ADGRL1: variants seen among roughly 807,000 people sequenced by gnomAD.
The protein encoded by ADGRL1 is adhesion G protein-coupled receptor L1.
In ADGRL1, 31 loss-of-function variants were observed where a neutral mutation model predicts 148.9. That is an observed-to-expected ratio of 0.21 (90% CI 0.16 to 0.28). ADGRL1 has a LOEUF of 0.28. ADGRL1 is among the 10% of genes least tolerant of loss of function. ADGRL1 has a pLI of 1.00. For synonymous variants in ADGRL1, 937 were observed against 900.3 expected, an observed-to-expected ratio of 1.04 and a Z score of -0.73; for missense variants, 1,521 against 2,058.8, an observed-to-expected ratio of 0.74 and a Z score of 5.05.
At chr19:14,167,924 G>C (rs575425877) in intron 4 of ADGRL1, among the ~76,000 whole-genome samples, 5 of 152,176 alleles carry the variant, frequency 3.3e-5, no homozygotes, top group African/African-American at 1.2e-4. Context: ...CCGCTGCCCT[G>C]CGGACGGGCG....
intron 4 of ADGRL1, chr19:14,169,265 C>T (rs1352019322): frequency 6.6e-6 from 1 of 152,242 alleles, no homozygotes; most frequent in African/African-American, 2.4e-5. Flanking sequence ...AAGCGCTTCT[C>T]ACATGTCATC....
chr19:14,159,332 GCCTCCA>G lies in ADGRL1; in HGVS notation c.2023+63_2023+68del. The stretch of plus-strand genomic sequence containing the variant: ...CCAAGGGTCGGATAGCCCCCCTGTG[GCCTCCA>G]GGCCAGAACCCCGTGGTTTAAGGTT... On this transcript the variant is annotated intron_variant, in intron 10 of 22. Transcript: ENST00000361434. The surrounding 1 kb of genome is among the most constrained non-coding windows in gnomAD (Gnocchi z 6.0). 1 of 1,570,314 alleles carries G rather than the reference GCCTCCA, an allele frequency of 6.4e-7. No homozygotes were observed. Among genetic ancestry groups the G allele is most frequent in the Non-Finnish European group, 8.7e-7 (1 of 1,154,566 alleles).
chr19:14,204,037 G>A (rs139840482), intron 1 of ADGRL1, among the ~76,000 whole-genome samples: 47 of 152,250 alleles, frequency 3.1e-4, no homozygotes, highest in Non-Finnish European at 4.9e-4. Context: ...ATGTGGCTCC[G>A]TGCACGGGTG....
intron 1 of ADGRL1, among the ~76,000 whole-genome samples, chr19:14,204,713 T>TGAGAGAGGGAGAGAGA (rs1555693818): frequency 7.0e-6 from 1 of 142,890 alleles, no homozygotes; most frequent in African/African-American, 2.6e-5. Flanking sequence ...ACAGAGAGAG[T>TGAGAGAGGGAGAGAGA]GAGAGAGAGA....
chr19:14,191,021 G>C (rs1373291737), intron 1 of ADGRL1: 3 of 427,880 alleles, frequency 7.0e-6, no homozygotes, highest in Non-Finnish European at 1.4e-5. Context: ...CTGGGAGGCA[G>C]AGGTTGCGGT....
Position 14,200,570 on chromosome 19 carries a change from G to A in ADGRL1, c.-96+5415C>T, listed in dbSNP as rs4328555. Among the ~76,000 whole-genome samples, 1,145 of 152,256 alleles carry A rather than the reference G, an allele frequency of 7.5e-3. 14 individuals carry two copies. Among genetic ancestry groups the A allele is most frequent in the African/African-American group, 0.025 (1,056 of 41,524 alleles). On this transcript the variant is annotated intron_variant, in intron 1 of 22. Coordinates refer to ENST00000361434, the MANE Select transcript of ADGRL1 (RefSeq NM_014921.5). ...CGCAAAGCTTGCAGGATTTACCATC[G>A]GGCTTTCTACAGAAAAGTCAGCCAA...
At position 14,150,888 on chromosome 19, in the gene ADGRL1, C is replaced by G; in HGVS notation, c.4395G>C (p.Leu1465=). The G allele has an allele frequency of 2.5e-6, 4 of 1,612,190 alleles. No individual in the cohort carries two copies. Among genetic ancestry groups the G allele is most frequent in the Non-Finnish European group, 3.4e-6 (4 of 1,179,722 alleles). Residue 1465 remains leucine (L), a synonymous_variant, in exon 23 of 23, where the codon CTG becomes CTC. Transcript: ENST00000361434. ...TGAGGTGCCCTCAGAGACTGGTGAC[C>G]AGCTGCATCTGCCCGTCCCCATCGG... ...PGPDGDGQMQ[L]VTSL is the part of the protein sequence containing the mutation.
At chr19:14,177,772 C>T in intron 2 of ADGRL1, 28 bp from the exon 3 acceptor site, 1 of 1,591,318 alleles carries the variant, frequency 6.3e-7, no homozygotes, top group Non-Finnish European at 8.6e-7. Context: ...GATGGTGTCA[C>T]TCCTGGGCCT....
chr19:14,205,921 A>C, intron 1 of ADGRL1, 64 bp downstream of exon 1: 2 of 145,884 alleles, frequency 1.4e-5, no homozygotes, highest in South Asian at 4.4e-4. Flanking sequence ...CCCCTCTTCC[A>C]CGCGCCCCGC....
At chr19:14,153,929 A>G (rs1968472115) in intron 18 of ADGRL1, among the ~76,000 whole-genome samples, 1 of 151,562 alleles carries the variant, frequency 6.6e-6, no homozygotes, top group African/African-American at 2.4e-5. Flanking sequence ...GGACAGAACG[A>G]GACTCTGTCT....
chr19:14,175,097 C>T (rs1970729762), intron 3 of ADGRL1, among the ~76,000 whole-genome samples: 1 of 152,106 alleles, frequency 6.6e-6, no homozygotes, highest in South Asian at 2.1e-4. Context: ...CCTGCCTCAG[C>T]CTCCCAAAGT....
intron 1 of ADGRL1, among the ~76,000 whole-genome samples, chr19:14,198,883 C>T (rs1189677014): frequency 6.6e-6 from 1 of 152,218 alleles, no homozygotes; most frequent in African/African-American, 2.4e-5. Context: ...CACGTCCACA[C>T]CACAGTGGCC....
At position 14,150,558 on chromosome 19, in the gene ADGRL1, G is replaced by A. The variant is rs1299614441; in HGVS notation, c.*315C>T. On this transcript the variant is annotated 3_prime_UTR_variant, in exon 23 of 23. Coordinates refer to ENST00000361434, the MANE Select transcript of ADGRL1 (RefSeq NM_014921.5). ...CACAGGGTAGAAGGGTGGGAGAGGG[G>A]AGAGTCTGGAAGTGGGCTGCACCCT... The A allele has an allele frequency of 8.4e-6, 3 of 358,012 alleles. No individual in the cohort carries two copies. Among genetic ancestry groups the A allele is most frequent in the Non-Finnish European group, 1.5e-5 (3 of 195,808 alleles). The allele number at this position is 358,012 out of a possible 1,614,324, so 22.2% of individuals were successfully genotyped here. A position where few individuals can be genotyped will look rare whatever the true frequency, so the allele number is the denominator to read the frequency against.
chr19:14,159,180 C>T lies in ADGRL1; in HGVS notation c.2059G>A (p.Val687Met). The change falls in exon 11 of 23, where the codon GTG becomes ATG. Residue 687 changes from valine (V) to methionine (M), a missense_variant. Transcript: ENST00000361434. The surrounding 1 kb of genome is among the most constrained non-coding windows in gnomAD (Gnocchi z 6.0). ...EVTVLNTEGQ[V>M]QELVFPQEEY... The stretch of plus-strand genomic sequence containing the variant: ...TCCTGGGGGAACACCAGCTCCTGCA[C>T]CTGGCCCTCTGTGTTCAGGACTGTG... 6.2e-7 allele frequency: 1 copy of T among 1,614,122 alleles called. No individual in the cohort carries two copies. The highest frequency in any genetic ancestry group is 1.6e-4 in the Middle Eastern group (1 of 6,062).
At chr19:14,165,646 G>A (rs1406973311) in intron 4 of ADGRL1, among the ~76,000 whole-genome samples, 1 of 151,354 alleles carries the variant, frequency 6.6e-6, no homozygotes, top group Admixed American at 6.6e-5. Flanking sequence ...CAAACCAGTG[G>A]GCCTGCAAGA....
In ADGRL1 at chr19:14,149,458, A is replaced by C. The variant is rs771058379; in HGVS notation, c.*1415T>G. On this transcript the variant is annotated 3_prime_UTR_variant, in exon 23 of 23. Transcript: ENST00000361434. Reference sequence around the variant, plus strand: ...TCTGCCATCAACCTCTCTAGGTGGGAAATCAGCCCCATCTTCCCCGGCGAG... The same window carrying C: ...TCTGCCATCAACCTCTCTAGGTGGGCAATCAGCCCCATCTTCCCCGGCGAG... 6.5e-6 allele frequency: 1 copy of C among 153,272 alleles called. No individual in the cohort carries two copies. Among genetic ancestry groups the C allele is most frequent in the Non-Finnish European group, 1.5e-5 (1 of 68,526 alleles). The allele number at this position is 153,272 out of a possible 1,614,324, so 9.5% of individuals were successfully genotyped here.
chr19:14,200,027 C>T (rs747666825), intron 1 of ADGRL1, among the ~76,000 whole-genome samples: 1 of 152,192 alleles, frequency 6.6e-6, no homozygotes, highest in Non-Finnish European at 1.5e-5. Flanking sequence ...AGCCACTGTG[C>T]CCGGCTGTTG....
chr19:14,179,481 G>A (rs193184471), intron 2 of ADGRL1, among the ~76,000 whole-genome samples: 46 of 151,622 alleles, frequency 3.0e-4, no homozygotes, highest in East Asian at 2.8e-3. Flanking sequence ...GCGACAGAGC[G>A]AGACTCCATC....
Position 14,159,491 on chromosome 19 carries a change from T to C in ADGRL1, c.1933A>G (p.Met645Val). 6.2e-7 allele frequency: 1 copy of C among 1,613,258 alleles called. No individual in the cohort carries two copies. Among genetic ancestry groups the C allele is most frequent in the African/African-American group, 1.3e-5 (1 of 75,012 alleles). ...CCCTCCTCCAGGACGTCGAGGAGCA[T>C]GGTGGCCGTGTGCACCTGCTCCGTG... is the stretch of plus-strand genomic sequence containing the variant. ...NATEQVHTAT[M>V]LLDVLEEGAF... The change falls in exon 10 of 23, where the codon ATG (methionine) becomes GTG (valine). Residue 645 changes from methionine to valine, a missense_variant. This residue lies in a region of ADGRL1 where 265 missense variants were observed against 431.9 expected (regional missense o/e 0.61). Coordinates refer to ENST00000361434, the MANE Select transcript of ADGRL1 (RefSeq NM_014921.5). This position sits in a 1 kb window ranked among gnomAD's most constrained non-coding sequence, Gnocchi z 6.0.
Sources: gnomAD v4.1 joint callset for allele counts (sites outside exome capture counted in the v4.1 genomes callset) on GRCh38, gnomAD v4.1.1 for gene constraint, gnomAD v4.1.1 regional missense constraint, Gnocchi (gnomAD v3.1) non-coding constraint, MANE v1.5 for transcripts, NCBI Gene and HGNC (gene_info 2026-07-23, HGNC 2026-07-21) for gene names.